COL14A1: variants seen among roughly 807,000 people sequenced by gnomAD.
COL14A1 encodes collagen alpha-1(XIV) chain.
In COL14A1, 136 loss-of-function variants were observed where a neutral mutation model predicts 230.3. That is an observed-to-expected ratio of 0.59 (90% CI 0.51 to 0.68). The LOEUF (loss-of-function observed/expected upper bound fraction) is 0.68. Among genes scored for constraint, COL14A1 ranks in the 30% least tolerant of loss-of-function variants. COL14A1 has a pLI of 0.00. For missense variants in COL14A1, 1,976 were observed against 2,215.8 expected (o/e 0.89, Z 2.17); for synonymous variants, 792 against 784.1 (o/e 1.01, Z -0.17).
chr8:120,329,803 A>G (rs765054412), intron 40 of COL14A1, among the ~76,000 whole-genome samples: 1 of 152,186 alleles, frequency 6.6e-6, no homozygotes, highest in Non-Finnish European at 1.5e-5. Flanking sequence ...ATTGGACAGC[A>G]ATTCTAATAA....
rs181496565 is a variant in COL14A1 at position 120,287,509 on chromosome 8, A to G, written c.4077+1539A>G. ...AAAAGAAACATTGTCATTTTAGCCC[A>G]TGGTTTAGGCATGAACTTGTAATTC... On this transcript the variant is annotated intron_variant, in intron 33 of 47. Transcript: ENST00000297848. Among the ~76,000 whole-genome samples, 33 of 152,328 alleles carry G rather than the reference A, an allele frequency of 2.2e-4. 1 individual carries two copies. In the East Asian group the frequency reaches 6.0e-3, roughly 28 times the overall value.
At chr8:120,348,294 G>T (rs1194999641) in intron 45 of COL14A1, among the ~76,000 whole-genome samples, 1 of 144,560 alleles carries the variant, frequency 6.9e-6, no homozygotes, top group Non-Finnish European at 1.5e-5. Flanking sequence ...TATATATGAA[G>T]CATATATAAA....
intron 31 of COL14A1, among the ~76,000 whole-genome samples, chr8:120,281,595 A>G (rs1402017964): frequency 6.6e-6 from 1 of 151,606 alleles, no homozygotes; most frequent in African/African-American, 2.4e-5. Context: ...TGATACTTAT[A>G]TAGCACTACT....
intron 36 of COL14A1, among the ~76,000 whole-genome samples, chr8:120,302,345 G>T (rs1358564708): frequency 6.6e-6 from 1 of 152,048 alleles, no homozygotes; most frequent in Non-Finnish European, 1.5e-5. Context: ...TATTGCCTAG[G>T]TTGTCTTCCA....
intron 22 of COL14A1, among the ~76,000 whole-genome samples, chr8:120,253,751 C>T (rs1819049410): frequency 1.3e-5 from 2 of 151,966 alleles, no homozygotes; most frequent in African/African-American, 4.8e-5. Flanking sequence ...TGGTGAAACC[C>T]TGTCTCTACT....
chr8:120,132,946 G>A lies in COL14A1; in HGVS notation c.-38+7606G>A, dbSNP rs1404013364. ...TATTATAACTGTTCCGGCCGGGCGC[G>A]GTGGCTCACGCCTGTAATCCCAGCA... On this transcript the variant is annotated intron_variant, in intron 1 of 47. Transcript: ENST00000297848. 5.3e-5 allele frequency among the ~76,000 whole-genome samples: 8 copies of A among 152,060 alleles called. No individual in the cohort carries two copies. In the East Asian group the frequency reaches 7.7e-4, roughly 15 times the overall value.
At chr8:120,331,117 A>G (rs1821849050) in intron 40 of COL14A1, among the ~76,000 whole-genome samples, 1 of 151,724 alleles carries the variant, frequency 6.6e-6, no homozygotes, top group Non-Finnish European at 1.5e-5. Flanking sequence ...CAAAAAAAAA[A>G]AAAAAAAAAA....
intron 40 of COL14A1, among the ~76,000 whole-genome samples, chr8:120,329,592 G>T (rs562803131): frequency 3.3e-5 from 5 of 152,102 alleles, no homozygotes; most frequent in Non-Finnish European, 7.4e-5. Context: ...GGGTGACAGA[G>T]CAAGACTGTC....
At position 120,125,192 on chromosome 8, in the gene COL14A1, A is replaced by C. The variant is rs1246247595; in HGVS notation, c.-186A>C. On this transcript the variant is annotated 5_prime_UTR_variant, in exon 1 of 48. Coordinates refer to ENST00000297848, the MANE Select transcript of COL14A1 (RefSeq NM_021110.4). ...AGCGCAGCGGCAGAAGGAGAGGGAG[A>C]GAGAAAGAGAGAGAGGCTAATTAAA... 4 of 152,550 alleles carry C rather than the reference A, an allele frequency of 2.6e-5. No homozygotes were observed. The highest frequency in any genetic ancestry group is 7.2e-5 in the African/African-American group (3 of 41,464). 9.4% of individuals were successfully genotyped at this position (152,550 alleles called of 1,614,324 possible). A position where few individuals can be genotyped will look rare whatever the true frequency, so the allele number is the denominator to read the frequency against.
intron 5 of COL14A1, among the ~76,000 whole-genome samples, chr8:120,196,338 C>T (rs1032265277): frequency 5.9e-5 from 9 of 152,066 alleles, no homozygotes; most frequent in Admixed American, 1.3e-4. Flanking sequence ...TCAGAAAGTC[C>T]GCATTTCTCT....
At chr8:120,160,592 T>A (rs78065295) in intron 3 of COL14A1, among the ~76,000 whole-genome samples, 2 of 152,332 alleles carry the variant, frequency 1.3e-5, no homozygotes, top group African/African-American at 4.8e-5. Context: ...TATTTCTTCA[T>A]AAATGCTAGG....
chr8:120,212,033 C>G (rs1239751343), intron 12 of COL14A1, among the ~76,000 whole-genome samples: 1 of 152,242 alleles, frequency 6.6e-6, no homozygotes. Context: ...CTGGCCAGAG[C>G]ACTGGTTAGT....
chr8:120,370,548 T>C (rs2130406100), intron 47 of COL14A1: 2 of 1,466,566 alleles, frequency 1.4e-6, no homozygotes, highest in African/African-American at 1.4e-5. Flanking sequence ...GCTCCAAACA[T>C]GATGGAGTGA....
At chr8:120,203,353 TGG>T (rs67085879) in intron 8 of COL14A1, among the ~76,000 whole-genome samples, 14 of 143,214 alleles carry the variant, frequency 9.8e-5, no homozygotes, top group Non-Finnish European at 1.1e-4. Flanking sequence ...CAGATGGGGG[TGG>T]GGGGGGGTCC....
At chr8:120,163,936 A>G (rs935334354) in intron 4 of COL14A1, among the ~76,000 whole-genome samples, 2 of 152,002 alleles carry the variant, frequency 1.3e-5, no homozygotes, top group South Asian at 2.1e-4. Flanking sequence ...CCCTGCCCCT[A>G]TGAATCTTAT....
At chr8:120,360,477 C>T (rs80242932) in intron 45 of COL14A1, among the ~76,000 whole-genome samples, 5,885 of 152,278 alleles carry the variant, frequency 0.039, 133 homozygotes, top group Middle Eastern at 0.065. Context: ...ATTTCTGGCC[C>T]CCCAGGCATG....
rs1047312287 is a variant in COL14A1, at chr8:120,372,489, A to G, written c.*1258A>G. 1.3e-5 allele frequency among the ~76,000 whole-genome samples: 2 copies of G among 152,092 alleles called. No individual in the cohort carries two copies. The highest frequency in any genetic ancestry group is 2.9e-5 in the Non-Finnish European group (2 of 68,036). On this transcript the variant is annotated 3_prime_UTR_variant, in exon 48 of 48. Coordinates refer to ENST00000297848, the MANE Select transcript of COL14A1 (RefSeq NM_021110.4). The stretch of plus-strand genomic sequence containing the variant: ...GGTATTTGAGAAAGATTTGAATTCT[A>G]TTATGTGCTAGTTGAAATAGAAACA...
chr8:120,168,380 G>T, intron 5 of COL14A1, 133 bp downstream of exon 5: 1 of 590,520 alleles, frequency 1.7e-6, no homozygotes, highest in Non-Finnish European at 3.0e-6. Flanking sequence ...TGGCCTCTTT[G>T]TACTCTTCCT....
chr8:120,207,431 A>G (rs1472687494), intron 10 of COL14A1, among the ~76,000 whole-genome samples: 1 of 150,756 alleles, frequency 6.6e-6, no homozygotes, highest in Non-Finnish European at 1.5e-5. Flanking sequence ...CATTTTTTCT[A>G]CTTGGGAGTG....
Sources: allele counts gnomAD v4.1 joint callset (sites outside exome capture counted in the v4.1 genomes callset), GRCh38; gene constraint gnomAD v4.1.1; transcripts MANE v1.5; gene names NCBI Gene and HGNC (gene_info 2026-07-23, HGNC 2026-07-21).